HIPK2: variants seen among roughly 807,000 people sequenced by gnomAD.
HIPK2 encodes the protein homeodomain interacting protein kinase 2.
In HIPK2, 27 loss-of-function variants were observed where a neutral mutation model predicts 113.7. The ratio of observed to expected loss-of-function variants is 0.24; its 90% CI spans 0.17 to 0.33. The LOEUF is 0.33. HIPK2 is among the 10% of genes least tolerant of loss of function. HIPK2 has a pLI of 1.00. For missense variants in HIPK2, 1,257 were observed against 1,588.0 expected, an observed-to-expected ratio of 0.79 and a Z score of 3.54; for synonymous variants, 631 against 642.2, an observed-to-expected ratio of 0.98 and a Z score of 0.26.
intron 1 of HIPK2, among the ~76,000 whole-genome samples, chr7:139,739,540 T>C (rs1796037372): frequency 6.6e-6 from 1 of 151,652 alleles, no homozygotes; most frequent in South Asian, 2.1e-4. Context: ...TGAGCCAAGA[T>C]TGTACTGCTG....
chr7:139,583,961 G>A lies in HIPK2; in HGVS notation c.2821C>T (p.Arg941Cys), dbSNP rs367907799. 35 of 1,613,962 alleles carry A rather than the reference G, an allele frequency of 2.2e-5. No homozygotes were observed. The highest frequency in any genetic ancestry group is 5.3e-5 in the African/African-American group (4 of 74,946). ...GCATTGGCATTGTTGTGCCCAGCAC[G>A]CTGCTGCACGGAGTAGGGGCTGGTG... is the stretch of plus-strand genomic sequence containing the variant. ...SNTSPYSVQQ[R>C]AGHNNANAFD... Residue 941 changes from arginine to cysteine, a missense_variant, in exon 13 of 15, where the codon CGT (arginine) becomes TGT (cysteine). Around this residue, in one of 5 missense-constraint regions of HIPK2, gnomAD observed 862 missense variants for 1,004.3 expected, o/e 0.86. Transcript: ENST00000406875.
chr7:139,766,330 G>C (rs2117160141), intron 1 of HIPK2, among the ~76,000 whole-genome samples: 1 of 152,308 alleles, frequency 6.6e-6, no homozygotes, highest in East Asian at 1.9e-4. Context: ...TTTTTCCTTA[G>C]AGGTCTCAGT....
chr7:139,610,657 T>C (rs1205617049), intron 9 of HIPK2, among the ~76,000 whole-genome samples: 1 of 152,232 alleles, frequency 6.6e-6, no homozygotes, highest in Non-Finnish European at 1.5e-5. Flanking sequence ...AGATGAAGAA[T>C]ACTTCATATC....
chr7:139,701,528 G>GC (rs1323486623), intron 2 of HIPK2, among the ~76,000 whole-genome samples: 5 of 152,100 alleles, frequency 3.3e-5, no homozygotes, highest in African/African-American at 1.2e-4. Flanking sequence ...CACATAGCTG[G>GC]CGGGACGCTG....
intron 2 of HIPK2, among the ~76,000 whole-genome samples, chr7:139,662,355 G>T (rs893547635): frequency 3.9e-5 from 6 of 152,320 alleles, no homozygotes; most frequent in Non-Finnish European, 8.8e-5. Context: ...TTCCCTGCCA[G>T]AACTCTCTGA....
At chr7:139,673,697 TCTGA>T (rs1403592984) in intron 2 of HIPK2, among the ~76,000 whole-genome samples, 1 of 151,690 alleles carries the variant, frequency 6.6e-6, no homozygotes, top group African/African-American at 2.4e-5. Flanking sequence ...CCTGAAGAAG[TCTGA>T]CTTTTTAAAA....
At chr7:139,664,872 T>C (rs1291228138) in intron 2 of HIPK2, among the ~76,000 whole-genome samples, 1 of 152,208 alleles carries the variant, frequency 6.6e-6, no homozygotes, top group Non-Finnish European at 1.5e-5. Flanking sequence ...CTTAATCATT[T>C]GCATAGACAT....
chr7:139,713,830 A>G (rs369041914), intron 2 of HIPK2, among the ~76,000 whole-genome samples: 6 of 152,292 alleles, frequency 3.9e-5, no homozygotes, highest in East Asian at 1.9e-4. Flanking sequence ...CTAGCCCCCA[A>G]TGGGGCTGGT....
At chr7:139,747,588 T>C (rs913974122) in intron 1 of HIPK2, among the ~76,000 whole-genome samples, 1 of 152,246 alleles carries the variant, frequency 6.6e-6, no homozygotes, top group Non-Finnish European at 1.5e-5. Flanking sequence ...AGCATCTCTT[T>C]AGTAAAGCAT....
intron 2 of HIPK2, among the ~76,000 whole-genome samples, chr7:139,699,392 A>G (rs1794648006): frequency 6.6e-6 from 1 of 152,146 alleles, no homozygotes; most frequent in East Asian, 1.9e-4. Context: ...CTAGATGGAA[A>G]GGAGGATAAT....
intron 2 of HIPK2, among the ~76,000 whole-genome samples, chr7:139,684,722 T>C (rs1239976326): frequency 6.6e-6 from 1 of 152,000 alleles, no homozygotes; most frequent in Non-Finnish European, 1.5e-5. Flanking sequence ...CTTAATAACA[T>C]AAAAAAAGCT....
At chr7:139,666,601 C>T (rs13310351) in intron 2 of HIPK2, among the ~76,000 whole-genome samples, 8,610 of 152,212 alleles carry the variant, frequency 0.057, 336 homozygotes, top group Non-Finnish European at 0.083. Flanking sequence ...TAGAAGGCCA[C>T]AAATGAATAC....
chr7:139,582,900 C>A (rs145065191), intron 13 of HIPK2, among the ~76,000 whole-genome samples: 1 of 152,232 alleles, frequency 6.6e-6, no homozygotes, highest in African/African-American at 2.4e-5. Flanking sequence ...ATGGGGCCTG[C>A]GCCCACTGGG....
intron 2 of HIPK2, among the ~76,000 whole-genome samples, chr7:139,675,277 C>T (rs12537335): frequency 0.04 from 6,043 of 152,142 alleles, 223 homozygotes; most frequent in East Asian, 0.097. Flanking sequence ...TGCTAACCAC[C>T]GAGAACACAA....
chr7:139,699,279 A>G (rs1276242909), intron 2 of HIPK2, among the ~76,000 whole-genome samples: 3 of 152,154 alleles, frequency 2.0e-5, no homozygotes, highest in Admixed American at 6.5e-5. Context: ...CGATGTTGTC[A>G]TGTTTCATTA....
At position 139,714,774 on chromosome 7, in the gene HIPK2, C is replaced by T. The variant is rs949144992; in HGVS notation, c.1103+1158G>A. ...TGACCTCTATCTCCACTGCACTGTT[C>T]GGCACCACCCCAAACACACCCCCAG... On this transcript the variant is annotated intron_variant, in intron 2 of 14. Coordinates refer to ENST00000406875, the MANE Select transcript of HIPK2 (RefSeq NM_022740.5). This position sits in a 1 kb window ranked among gnomAD's most constrained non-coding sequence, Gnocchi z 4.2. Among the ~76,000 whole-genome samples the T allele has an allele frequency of 2.6e-5, 4 of 152,148 alleles. No homozygotes were observed. The highest frequency in any genetic ancestry group is 2.9e-5 in the Non-Finnish European group (2 of 68,020).
At chr7:139,694,051 A>C in intron 2 of HIPK2, among the ~76,000 whole-genome samples, 1 of 152,148 alleles carries the variant, frequency 6.6e-6, no homozygotes, top group East Asian at 1.9e-4. Flanking sequence ...GCAGAAATAT[A>C]CTTTTTTTCC....
At chr7:139,704,936 G>C (rs1307327977) in intron 2 of HIPK2, among the ~76,000 whole-genome samples, 1 of 152,144 alleles carries the variant, frequency 6.6e-6, no homozygotes, top group Non-Finnish European at 1.5e-5. Context: ...AAGCAACCAA[G>C]ATCTGTCCTC....
intron 1 of HIPK2, among the ~76,000 whole-genome samples, chr7:139,744,726 C>T (rs986408989): frequency 2.3e-4 from 35 of 152,082 alleles, no homozygotes; most frequent in African/African-American, 8.5e-4. Flanking sequence ...CCAAGAGGCC[C>T]GCTGCGAAGC....
Sources: allele counts gnomAD v4.1 joint callset (sites outside exome capture counted in the v4.1 genomes callset), GRCh38; gene constraint gnomAD v4.1.1; regional missense constraint gnomAD v4.1.1; non-coding constraint Gnocchi (gnomAD v3.1); transcripts MANE v1.5; gene names NCBI Gene and HGNC (gene_info 2026-07-23, HGNC 2026-07-21).